Variants in PLEKHA7 observed in about 807,000 individuals in gnomAD.
PLEKHA7 encodes pleckstrin homology domain-containing family A member 7.
Under a neutral mutation model 170.0 loss-of-function variants are expected in PLEKHA7, and 104 were observed. The ratio of observed to expected loss-of-function variants is 0.61; its 90% CI spans 0.52 to 0.72. The LOEUF (loss-of-function observed/expected upper bound fraction) is 0.72, where lower values mean the gene tolerates loss of function less well. Among genes scored for constraint, PLEKHA7 ranks in the 30% least tolerant of loss-of-function variants. The pLI is 0.00. For missense variants in PLEKHA7, 1,615 were observed against 1,671.7 expected (o/e 0.97, Z 0.59); for synonymous variants, 648 against 660.8 (o/e 0.98, Z 0.30).
At chr11:17,007,871 G>A (rs1419555648) in intron 3 of PLEKHA7, among the ~76,000 whole-genome samples, 1 of 152,130 alleles carries the variant, frequency 6.6e-6, no homozygotes, top group East Asian at 1.9e-4. Context: ...CACCACGCCC[G>A]GCCTAAAGAT....
chr11:16,926,710 G>C (rs991184406), intron 3 of PLEKHA7, among the ~76,000 whole-genome samples: 2 of 152,196 alleles, frequency 1.3e-5, no homozygotes, highest in African/African-American at 2.4e-5. Context: ...GTGTAAGCTT[G>C]CTTCCATTCA....
At chr11:16,986,204 A>C (rs1478440758) in intron 3 of PLEKHA7, among the ~76,000 whole-genome samples, 4 of 152,204 alleles carry the variant, frequency 2.6e-5, no homozygotes, top group South Asian at 2.1e-4. Flanking sequence ...ATCAGGAAGC[A>C]TATCAGGATG....
intron 3 of PLEKHA7, among the ~76,000 whole-genome samples, chr11:16,942,010 G>A (rs896146279): frequency 5.3e-5 from 8 of 152,192 alleles, no homozygotes; most frequent in Non-Finnish European, 8.8e-5. Flanking sequence ...CTAACTGAAT[G>A]AATCCAGTGT....
chr11:17,014,409 G>T lies in PLEKHA7; in HGVS notation c.-8C>A, dbSNP rs769866270. The T allele has an allele frequency of 2.3e-6, 3 of 1,330,402 alleles. No homozygotes were observed. Among genetic ancestry groups the T allele is most frequent in the East Asian group, 3.4e-5 (1 of 29,416 alleles). 82.4% of individuals were successfully genotyped at this position (1,330,402 alleles called of 1,614,324 possible). On this transcript the variant is annotated 5_prime_UTR_variant, in exon 1 of 27. Coordinates refer to ENST00000531066, the MANE Select transcript of PLEKHA7 (RefSeq NM_001329630.2). Reference sequence around the variant, plus strand: ...GACCGTCGCCGCCGCCATGTTCGCCGAGCGCGGAGCCGCCGCGGGGTGGGG... The same window carrying T: ...GACCGTCGCCGCCGCCATGTTCGCCTAGCGCGGAGCCGCCGCGGGGTGGGG...
chr11:16,917,245 C>T (rs7117745), intron 3 of PLEKHA7, among the ~76,000 whole-genome samples: 73,521 of 151,904 alleles, frequency 0.48, 18,343 homozygotes, highest in East Asian at 0.75. Context: ...AAAAATTGGC[C>T]GTTGACTTGC....
intron 13 of PLEKHA7, among the ~76,000 whole-genome samples, chr11:16,807,412 T>C (rs1445545208): frequency 6.6e-6 from 1 of 152,154 alleles, no homozygotes; most frequent in Non-Finnish European, 1.5e-5. Context: ...GCTCCTCCCA[T>C]GGGCCATGGG....
intron 3 of PLEKHA7, among the ~76,000 whole-genome samples, chr11:16,901,605 A>G (rs1207220501): frequency 6.6e-6 from 1 of 152,220 alleles, no homozygotes; most frequent in Non-Finnish European, 1.5e-5. Flanking sequence ...ATGGTGGCTC[A>G]CGCCTGTAAT....
chr11:16,980,787 T>C (rs942794127), intron 3 of PLEKHA7, among the ~76,000 whole-genome samples: 5 of 152,212 alleles, frequency 3.3e-5, no homozygotes, highest in Admixed American at 6.5e-5. Context: ...AGCAGGAGGC[T>C]GAGGCAGGAG....
intron 4 of PLEKHA7, among the ~76,000 whole-genome samples, chr11:16,859,035 C>T (rs1853714242): frequency 6.6e-6 from 1 of 152,220 alleles, no homozygotes. Context: ...CAAACACACC[C>T]ATAGAAAGCC....
chr11:16,788,871 C>T, intron 23 of PLEKHA7: 1 of 609,606 alleles, frequency 1.6e-6, no homozygotes, highest in Non-Finnish European at 2.9e-6. Flanking sequence ...TCCTCAGGCT[C>T]CTGGGCCTGT....
At position 17,014,120 on chromosome 11, in the gene PLEKHA7, C is replaced by A. The variant is rs1469861304; in HGVS notation, c.163+5G>T. 2 of 1,599,944 alleles carry A rather than the reference C, an allele frequency of 1.3e-6. No individual in the cohort carries two copies. The highest frequency in any genetic ancestry group is 1.7e-6 in the Non-Finnish European group (2 of 1,174,708). ...GCGCCCCCCACCCGCCGGCCCGGCG[C>A]CCACCTGAGCGGATCATGTGGCCCG... is the stretch of plus-strand genomic sequence containing the variant. On this transcript the variant is annotated splice_donor_5th_base_variant and intron_variant, in intron 2 of 26. Coordinates refer to ENST00000531066, the MANE Select transcript of PLEKHA7 (RefSeq NM_001329630.2).
At chr11:16,872,976 C>A (rs1238387962) in intron 3 of PLEKHA7, among the ~76,000 whole-genome samples, 2 of 152,050 alleles carry the variant, frequency 1.3e-5, no homozygotes, top group South Asian at 2.1e-4. Context: ...TAGGTGCCTC[C>A]CCCCCACTAT....
chr11:16,848,902 A>G (rs948695796), intron 8 of PLEKHA7, among the ~76,000 whole-genome samples: 10 of 152,182 alleles, frequency 6.6e-5, no homozygotes, highest in Admixed American at 1.3e-4. Context: ...CCAATCACAA[A>G]ACACTGTGTA....
chr11:16,916,705 T>C (rs1056708273), intron 3 of PLEKHA7, among the ~76,000 whole-genome samples: 2 of 152,202 alleles, frequency 1.3e-5, no homozygotes, highest in Admixed American at 1.3e-4. Context: ...CCAATTTAGA[T>C]GGAACCAGCT....
At chr11:16,994,923 C>T (rs1294088608) in intron 3 of PLEKHA7, among the ~76,000 whole-genome samples, 1 of 152,120 alleles carries the variant, frequency 6.6e-6, no homozygotes, top group Non-Finnish European at 1.5e-5. Context: ...CTTGAGGACA[C>T]CAGTGTTGCT....
At chr11:16,780,852 G>T in intron 26 of PLEKHA7, 1 of 367,714 alleles carries the variant, frequency 2.7e-6, no homozygotes, top group Non-Finnish European at 3.8e-6. Context: ...AGGTGGCACT[G>T]CAATCACCTC....
chr11:16,957,550 G>A (rs2136565033), intron 3 of PLEKHA7, among the ~76,000 whole-genome samples: 1 of 152,234 alleles, frequency 6.6e-6, no homozygotes, highest in Non-Finnish European at 1.5e-5. Flanking sequence ...AGCAGATAAG[G>A]GTTTTTACCT....
intron 3 of PLEKHA7, among the ~76,000 whole-genome samples, chr11:16,893,885 A>G (rs573525591): frequency 6.6e-6 from 1 of 152,330 alleles, no homozygotes; most frequent in East Asian, 1.9e-4. Context: ...GTGTGAAAGA[A>G]AAAGTAGCCC....
At position 16,889,416 on chromosome 11, in the gene PLEKHA7, A is replaced by T. The variant is rs1249651534; in HGVS notation, c.222-18234T>A. On this transcript the variant is annotated intron_variant, in intron 3 of 26. Transcript: ENST00000531066. ...TTTATTGCTCAAAAAAAAAAAAAAA[A>T]AAAAATATATATATATATATATATA... Among the ~76,000 whole-genome samples the T allele has an allele frequency of 8.5e-3, 936 of 109,482 alleles. 8 individuals carry two copies. Among genetic ancestry groups the T allele is most frequent in the African/African-American group, 0.031 (759 of 24,768 alleles). The allele number at this position is 109,482 out of a possible 152,430, so 71.8% of individuals were successfully genotyped here.
Sources: allele counts gnomAD v4.1 joint callset (sites outside exome capture counted in the v4.1 genomes callset), GRCh38; gene constraint gnomAD v4.1.1; transcripts MANE v1.5; gene names NCBI Gene and HGNC (gene_info 2026-07-23, HGNC 2026-07-21).